The following NEDD4L variants were observed in gnomAD, a reference collection of about 807,000 sequenced individuals.
NEDD4L encodes the protein E3 ubiquitin-protein ligase NEDD4-like.
A neutral mutation model predicts 148.9 loss-of-function variants in NEDD4L; 54 were observed. The observed-to-expected ratio is 0.36, with a 90% CI of 0.29 to 0.45. The LOEUF is 0.45. Among genes scored for constraint, NEDD4L ranks in the 20% least tolerant of loss-of-function variants. The probability of loss-of-function intolerance (pLI) is 1.00; values close to 1 mark genes in which losing one functional copy is unlikely to be tolerated. For synonymous variants in NEDD4L, 433 were observed against 440.7 expected, an observed-to-expected ratio of 0.98 and a Z score of 0.22; for missense variants, 856 against 1,233.8, an observed-to-expected ratio of 0.69 and a Z score of 4.59.
At chr18:58,106,908 G>T (rs2085100406) in intron 1 of NEDD4L, among the ~76,000 whole-genome samples, 1 of 152,198 alleles carries the variant, frequency 6.6e-6, no homozygotes. Flanking sequence ...GAATGATGAG[G>T]AAGTGGGTTA....
At chr18:58,248,853 A>T in intron 3 of NEDD4L, 46 bp from the exon 4 acceptor site, 1 of 1,011,320 alleles carries the variant, frequency 9.9e-7, no homozygotes, top group South Asian at 1.4e-5. Context: ...AGTAACTGCT[A>T]ATGTTTGAAA....
intron 1 of NEDD4L, among the ~76,000 whole-genome samples, chr18:58,050,910 G>A (rs2081839420): frequency 6.6e-6 from 1 of 152,220 alleles, no homozygotes; most frequent in Non-Finnish European, 1.5e-5. Context: ...CTTCAATGCA[G>A]TGTGTGCCCA....
At chr18:58,288,072 C>A (rs1437009563) in intron 5 of NEDD4L, among the ~76,000 whole-genome samples, 4 of 152,150 alleles carry the variant, frequency 2.6e-5, no homozygotes, top group African/African-American at 9.7e-5. Flanking sequence ...ATTTGCCCAC[C>A]CAGTAGTTCC....
intron 21 of NEDD4L, 51 bp from the exon 22 acceptor site, chr18:58,367,695 A>G: frequency 6.2e-7 from 1 of 1,608,930 alleles, no homozygotes; most frequent in African/African-American, 1.3e-5. Flanking sequence ...AATATGCAAA[A>G]TCTTGCATTT....
chr18:58,356,013 T>C (rs1485954928), intron 18 of NEDD4L, among the ~76,000 whole-genome samples: 1 of 152,132 alleles, frequency 6.6e-6, no homozygotes, highest in Non-Finnish European at 1.5e-5. Flanking sequence ...TGGAGCATAG[T>C]GGCACAGTCA....
At position 58,316,012 on chromosome 18, in the gene NEDD4L, G is replaced by A. The variant is rs777311647; in HGVS notation, c.328G>A (p.Val110Met). Reference sequence around the variant, plus strand: ...AGACGACTTCCTGGGCCAGGTGGACGTGCCCCTTAGTCACCTTCCGGTAAG... The same window carrying A: ...AGACGACTTCCTGGGCCAGGTGGACATGCCCCTTAGTCACCTTCCGGTAAG... ...TRDDFLGQVD[V>M]PLSHLPTEDP... Residue 110 changes from valine (V) to methionine (M), a missense_variant, in exon 6 of 31, where the codon GTG becomes ATG. Coordinates refer to ENST00000400345, the MANE Select transcript of NEDD4L (RefSeq NM_001144967.3). The A allele has an allele frequency of 1.1e-5, 18 of 1,613,458 alleles. No homozygotes were observed. The highest frequency in any genetic ancestry group is 1.4e-5 in the Non-Finnish European group (17 of 1,179,506).
chr18:58,059,935 A>C (rs539869765), intron 1 of NEDD4L, among the ~76,000 whole-genome samples: 2 of 152,124 alleles, frequency 1.3e-5, no homozygotes, highest in Non-Finnish European at 2.9e-5. Flanking sequence ...ATAAATCCTC[A>C]CAATAGCCCT....
At chr18:58,288,917 C>T (rs1004410617) in intron 5 of NEDD4L, among the ~76,000 whole-genome samples, 1 of 152,232 alleles carries the variant, frequency 6.6e-6, no homozygotes, top group East Asian at 1.9e-4. Context: ...TCATTTCTTA[C>T]ACCACACACC....
intron 5 of NEDD4L, among the ~76,000 whole-genome samples, chr18:58,301,349 A>G (rs759066452): frequency 7.9e-5 from 12 of 152,196 alleles, no homozygotes; most frequent in Non-Finnish European, 1.3e-4. Context: ...GCTTTGATCA[A>G]TGGGAAGGTT....
At chr18:58,361,847 G>C (rs151282904) in intron 19 of NEDD4L, among the ~76,000 whole-genome samples, 34 of 151,742 alleles carry the variant, frequency 2.2e-4, no homozygotes, top group African/African-American at 8.0e-4. Flanking sequence ...AATGACATTC[G>C]AGATTTTCAA....
At chr18:58,221,714 C>G in intron 2 of NEDD4L, 1 of 985,416 alleles carries the variant, frequency 1.0e-6, no homozygotes, top group African/African-American at 1.7e-5. Context: ...TCCAGCTGAA[C>G]ACTTTCCAGC....
At chr18:58,349,431 G>A in intron 16 of NEDD4L, 106 bp from the exon 17 acceptor site, 1 of 833,788 alleles carries the variant, frequency 1.2e-6, no homozygotes, top group Non-Finnish European at 2.0e-6. Context: ...TCCAGGCATG[G>A]ACAGCCTGGT....
At chr18:58,384,058 G>A (rs188250812) in intron 25 of NEDD4L, among the ~76,000 whole-genome samples, 2 of 152,128 alleles carry the variant, frequency 1.3e-5, no homozygotes, top group Non-Finnish European at 1.5e-5. Context: ...CTTGTGGGTC[G>A]CCACAGTGGC....
chr18:58,232,316 T>A (rs1180120963), intron 2 of NEDD4L, among the ~76,000 whole-genome samples: 1 of 152,204 alleles, frequency 6.6e-6, no homozygotes, highest in East Asian at 1.9e-4. Context: ...AGATTTGTAT[T>A]GGATTTAACC....
intron 1 of NEDD4L, among the ~76,000 whole-genome samples, chr18:58,110,964 T>C (rs2085382077): frequency 6.6e-6 from 1 of 152,240 alleles, no homozygotes; most frequent in South Asian, 2.1e-4. Flanking sequence ...AGCAGCTTTA[T>C]TGAGATATGA....
At position 58,351,056 on chromosome 18, in the gene NEDD4L, G is replaced by A. The variant is rs114908156; in HGVS notation, c.1708+11G>A. The A allele has an allele frequency of 3.7e-4, 592 of 1,580,898 alleles. 4 individuals are homozygous for A. Among genetic ancestry groups the A allele is most frequent in the South Asian group, 2.4e-3 (210 of 86,152 alleles). On this transcript the variant is annotated intron_variant, in intron 18 of 30. Coordinates refer to ENST00000400345, the MANE Select transcript of NEDD4L (RefSeq NM_001144967.3). ...TTTATATTGATCATAGTAAGTAGGC[G>A]CTGTTATGGACACACAGGTGTTGTG...
rs1216411672 is a variant in NEDD4L at position 58,341,683 on chromosome 18, A to G, written c.1263A>G (p.Ala421=). The G allele has an allele frequency of 1.2e-6, 2 of 1,613,136 alleles. No homozygotes were observed. The highest frequency in any genetic ancestry group is 1.7e-6 in the Non-Finnish European group (2 of 1,179,590). The part of the protein sequence containing the change: ...TTWTRPIMQL[A]EDGASGSATN... Reference sequence around the variant, plus strand: ...TGTTTTTGCCTCCAAAATAGCTTGCAGAAGATGGTGCGTCCGGATCAGCCA... The same window carrying G: ...TGTTTTTGCCTCCAAAATAGCTTGCGGAAGATGGTGCGTCCGGATCAGCCA... The change falls in exon 15 of 31, where the codon GCA becomes GCG. Residue 421 remains alanine (A), a synonymous_variant. Coordinates refer to ENST00000400345, the MANE Select transcript of NEDD4L (RefSeq NM_001144967.3).
chr18:58,396,815 T>G lies in NEDD4L; in HGVS notation c.*546T>G, dbSNP rs574634337. 3 of 152,580 alleles carry G rather than the reference T, an allele frequency of 2.0e-5. No homozygotes were observed. In the East Asian group the frequency reaches 5.8e-4, roughly 29 times the overall value. 9.5% of individuals were successfully genotyped at this position (152,580 alleles called of 1,614,324 possible). On this transcript the variant is annotated 3_prime_UTR_variant, in exon 31 of 31. Coordinates refer to ENST00000400345, the MANE Select transcript of NEDD4L (RefSeq NM_001144967.3). ...CCTCCACCCTCTACTTTATTAGAATTGGAAGGCAAATTTTTGTCCAAAAAC... is the reference window on the plus strand; with the variant it reads ...CCTCCACCCTCTACTTTATTAGAATGGGAAGGCAAATTTTTGTCCAAAAAC...
chr18:58,063,928 C>T (rs1333804286), intron 1 of NEDD4L, among the ~76,000 whole-genome samples: 1 of 148,232 alleles, frequency 6.7e-6, no homozygotes, highest in Non-Finnish European at 1.5e-5. Context: ...GCCATGTTGC[C>T]TTATTTTTAC....
Sources: allele counts gnomAD v4.1 joint callset (sites outside exome capture counted in the v4.1 genomes callset), GRCh38; gene constraint gnomAD v4.1.1; transcripts MANE v1.5; gene names NCBI Gene and HGNC (gene_info 2026-07-23, HGNC 2026-07-21).